The following RSRC1 variants were observed in gnomAD, a reference collection of about 807,000 sequenced individuals.
The protein encoded by RSRC1 is serine/Arginine-related protein 53.
RSRC1 carries 39 observed loss-of-function variants against 49.1 expected under a neutral mutation model. The ratio of observed to expected loss-of-function variants is 0.79; its 90% CI spans 0.61 to 1.04. The LOEUF (loss-of-function observed/expected upper bound fraction) is 1.04. RSRC1 is among the 50% of genes least tolerant of loss of function. The pLI, the probability that RSRC1 is intolerant of heterozygous loss-of-function variation, is 0.00. For synonymous variants in RSRC1, 143 were observed against 130.8 expected, an observed-to-expected ratio of 1.09 and a Z score of -0.63; for missense variants, 388 against 402.4, an observed-to-expected ratio of 0.96 and a Z score of 0.31.
intron 6 of RSRC1, among the ~76,000 whole-genome samples, chr3:158,412,059 A>G (rs1734491423): frequency 6.6e-6 from 1 of 152,172 alleles, no homozygotes; most frequent in Non-Finnish European, 1.5e-5. Flanking sequence ...GTTAAAGATG[A>G]TACCTATAGA....
intron 6 of RSRC1, among the ~76,000 whole-genome samples, chr3:158,399,440 G>A (rs1733789290): frequency 2.8e-5 from 1 of 35,786 alleles, no homozygotes; most frequent in African/African-American, 1.6e-4. Flanking sequence ...ACAGGCGTGA[G>A]CCACCGCGCC....
chr3:158,203,577 T>C (rs1721192199), intron 4 of RSRC1, among the ~76,000 whole-genome samples: 1 of 152,196 alleles, frequency 6.6e-6, no homozygotes, highest in African/African-American at 2.4e-5. Flanking sequence ...CTGTTTCCTT[T>C]GTTATGAGTA....
chr3:158,428,833 G>T (rs538318074), intron 6 of RSRC1, among the ~76,000 whole-genome samples: 1 of 151,934 alleles, frequency 6.6e-6, no homozygotes, highest in East Asian at 2.0e-4. Context: ...GAAGTGGTGT[G>T]GTAGGCTATC....
chr3:158,512,436 G>T (rs867007769), intron 7 of RSRC1, among the ~76,000 whole-genome samples: 7 of 150,734 alleles, frequency 4.6e-5, no homozygotes, highest in Non-Finnish European at 8.9e-5. Flanking sequence ...GATATGCGGC[G>T]TTATTTCTGA....
chr3:158,479,362 G>T (rs1459333823), intron 7 of RSRC1, among the ~76,000 whole-genome samples: 1 of 151,586 alleles, frequency 6.6e-6, no homozygotes, highest in Non-Finnish European at 1.5e-5. Context: ...TATTCAGCCT[G>T]CCAACACCAA....
At chr3:158,121,840 A>G (rs1327876115) in intron 1 of RSRC1, among the ~76,000 whole-genome samples, 1 of 152,120 alleles carries the variant, frequency 6.6e-6, no homozygotes, top group Non-Finnish European at 1.5e-5. Context: ...ACAAAGTTTT[A>G]TAAAAAGTAG....
intron 4 of RSRC1, among the ~76,000 whole-genome samples, chr3:158,221,915 C>T (rs1282747435): frequency 6.6e-6 from 1 of 151,520 alleles, no homozygotes; most frequent in African/African-American, 2.4e-5. Context: ...GCTGATTTAT[C>T]TATACTTCCA....
chr3:158,117,630 T>G (rs1171922511), intron 1 of RSRC1, among the ~76,000 whole-genome samples: 1 of 81,050 alleles, frequency 1.2e-5, no homozygotes, highest in Non-Finnish European at 2.5e-5. Context: ...TTTGTCCCTT[T>G]TCTCCTGTTT....
chr3:158,371,859 A>G (rs537945312), intron 6 of RSRC1, among the ~76,000 whole-genome samples: 6 of 151,944 alleles, frequency 3.9e-5, no homozygotes, highest in South Asian at 2.1e-4. Context: ...ATGCTTGACA[A>G]TACTTTGTAT....
At chr3:158,396,766 A>G (rs906604114) in intron 6 of RSRC1, among the ~76,000 whole-genome samples, 2 of 152,158 alleles carry the variant, frequency 1.3e-5, no homozygotes, top group Admixed American at 1.3e-4. Context: ...AGTTTACATG[A>G]ACATTATTTC....
chr3:158,202,985 G>T, intron 3 of RSRC1, 87 bp from the exon 4 acceptor site: 1 of 1,089,492 alleles, frequency 9.2e-7, no homozygotes, highest in Non-Finnish European at 1.3e-6. Flanking sequence ...AAACTAAGTA[G>T]TTTTTTTCAG....
At chr3:158,506,618 G>C (rs1739871670) in intron 7 of RSRC1, among the ~76,000 whole-genome samples, 1 of 151,660 alleles carries the variant, frequency 6.6e-6, no homozygotes, top group East Asian at 1.9e-4. Context: ...TAAAACCACA[G>C]TGAGATATCA....
At chr3:158,158,980 A>T (rs1718049492) in intron 3 of RSRC1, among the ~76,000 whole-genome samples, 1 of 152,114 alleles carries the variant, frequency 6.6e-6, no homozygotes, top group Non-Finnish European at 1.5e-5. Context: ...CCTCACAAAA[A>T]ATAGCCTCAA....
chr3:158,188,091 A>T (rs1720030309), intron 3 of RSRC1, among the ~76,000 whole-genome samples: 1 of 152,054 alleles, frequency 6.6e-6, no homozygotes, highest in South Asian at 2.1e-4. Context: ...GGTCTAGGAT[A>T]CATTTTTTCT....
At chr3:158,225,869 G>A in intron 4 of RSRC1, 4 of 267,546 alleles carry the variant, frequency 1.5e-5, no homozygotes, top group East Asian at 1.1e-4. Flanking sequence ...ACTAGAGAAT[G>A]GTACAAAAGA....
chr3:158,206,679 C>T (rs979212450), intron 4 of RSRC1, among the ~76,000 whole-genome samples: 3 of 151,972 alleles, frequency 2.0e-5, no homozygotes, highest in African/African-American at 4.8e-5. Context: ...TTTGGGAGGC[C>T]GAGGCGGGTG....
At chr3:158,307,297 T>A (rs1727889286) in intron 5 of RSRC1, among the ~76,000 whole-genome samples, 5 of 151,854 alleles carry the variant, frequency 3.3e-5, no homozygotes, top group African/African-American at 9.7e-5. Context: ...GGATTCAGTT[T>A]GTTCCTATAT....
chr3:158,358,196 G>C (rs1282886334), intron 6 of RSRC1, among the ~76,000 whole-genome samples: 2 of 152,056 alleles, frequency 1.3e-5, no homozygotes, highest in Non-Finnish European at 2.9e-5. Flanking sequence ...TTTGGGTTAG[G>C]AACATACTTT....
In RSRC1 at chr3:158,259,951, G is replaced by A. The variant is rs151147165; in HGVS notation, c.495-38088G>A. ...AATAGCTTGTGGTTAATGTTGCCATGTCTGGGTGTCTCTCTTCAGGTAAGT... is the reference window on the plus strand; with the variant it reads ...AATAGCTTGTGGTTAATGTTGCCATATCTGGGTGTCTCTCTTCAGGTAAGT... On this transcript the variant is annotated intron_variant, in intron 4 of 9. Coordinates refer to ENST00000611884, the MANE Select transcript of RSRC1 (RefSeq NM_001271838.2). Among the ~76,000 whole-genome samples, 325 of 152,184 alleles carry A rather than the reference G, an allele frequency of 2.1e-3. 10 individuals carry two copies. The East Asian group carries it at 0.055, about 26-fold the overall frequency.
Sources: gnomAD v4.1 joint callset for allele counts (sites outside exome capture counted in the v4.1 genomes callset) on GRCh38, gnomAD v4.1.1 for gene constraint, MANE v1.5 for transcripts, NCBI Gene and HGNC (gene_info 2026-07-23, HGNC 2026-07-21) for gene names.